The following ZNF613 variants were observed in gnomAD, a reference collection of about 807,000 sequenced individuals.
ZNF613 encodes zinc finger protein 613.
A neutral mutation model predicts 14.3 loss-of-function variants in ZNF613; 8 were observed. The observed-to-expected ratio is 0.56, with a 90% CI of 0.33 to 1.01. The LOEUF (loss-of-function observed/expected upper bound fraction) is 1.01, where lower values mean the gene tolerates loss of function less well. Ranked by LOEUF, ZNF613 falls within the 50% of genes least tolerant of loss-of-function variation. The probability of loss-of-function intolerance (pLI) is 0.03; values close to 1 mark genes in which losing one functional copy is unlikely to be tolerated. For synonymous variants in ZNF613, 228 were observed against 254.5 expected, an observed-to-expected ratio of 0.90 and a Z score of 0.99; for missense variants, 656 against 741.9, an observed-to-expected ratio of 0.88 and a Z score of 1.35.
intron 2 of ZNF613, among the ~76,000 whole-genome samples, chr19:51,934,286 A>G (rs975917537): frequency 1.3e-5 from 2 of 151,580 alleles, no homozygotes; most frequent in Admixed American, 1.3e-4. Context: ...TGCCATTTTT[A>G]CTCAATGAGA....
At chr19:51,928,853 C>CAAAAAAAA (rs58085445) in intron 1 of ZNF613, among the ~76,000 whole-genome samples, 1 of 96,968 alleles carries the variant, frequency 1.0e-5, no homozygotes, top group Admixed American at 1.2e-4. Context: ...GACCCTGCCT[C>CAAAAAAAA]AAAAAAAAAA....
At position 51,945,571 on chromosome 19, in the gene ZNF613, T is replaced by C. The variant is rs918718771; in HGVS notation, c.1688T>C (p.Ile563Thr). 3.7e-6 allele frequency: 6 copies of C among 1,614,174 alleles called. No individual in the cohort carries two copies. The highest frequency in any genetic ancestry group is 5.1e-6 in the Non-Finnish European group (6 of 1,180,028). The change falls in exon 6 of 6, where the codon ATA becomes ACA. Residue 563 changes from isoleucine (I) to threonine (T), a missense_variant. Ile to Thr is a moderately conservative substitution (Grantham distance 89). Transcript: ENST00000293471. ...SHSLSHTRDL[I>T]QDKDSVNMVT... The stretch of plus-strand genomic sequence containing the variant: ...AGCTTATCACATACACGTGATCTCA[T>C]ACAGGATAAAGACTCTGTTAACATG...
chr19:51,938,727 T>C (rs959504549), intron 3 of ZNF613, among the ~76,000 whole-genome samples: 1 of 129,128 alleles, frequency 7.7e-6, no homozygotes, highest in Non-Finnish European at 1.7e-5. Flanking sequence ...TGTACATGGA[T>C]ATATATATAT....
At chr19:51,938,057 C>T (rs2122816056) in intron 3 of ZNF613, among the ~76,000 whole-genome samples, 1 of 152,040 alleles carries the variant, frequency 6.6e-6, no homozygotes, top group South Asian at 2.1e-4. Flanking sequence ...TAAGCCCAGC[C>T]TTCTCATACA....
At chr19:51,935,848 C>G (rs2085301717) in intron 2 of ZNF613, among the ~76,000 whole-genome samples, 180 bp from the exon 3 acceptor site, 1 of 152,146 alleles carries the variant, frequency 6.6e-6, no homozygotes, top group South Asian at 2.1e-4. Flanking sequence ...ATTGGCCATA[C>G]CTGTAGAATC....
At chr19:51,932,302 C>T (rs1599902621) in intron 2 of ZNF613, among the ~76,000 whole-genome samples, 3 of 90,956 alleles carry the variant, frequency 3.3e-5, no homozygotes, top group African/African-American at 4.2e-5. Flanking sequence ...CTCCCAACAT[C>T]TTTTTTTTTT....
Position 51,945,079 on chromosome 19 carries a change from C to A in ZNF613, c.1196C>A (p.Pro399His). Residue 399 changes from proline to histidine, a missense_variant, in exon 6 of 6, where the codon CCC becomes CAC. Coordinates refer to ENST00000293471, the MANE Select transcript of ZNF613 (RefSeq NM_001031721.4). The part of the protein sequence containing the change: ...VHQRIHTGEK[P>H]YICNECGKGF... Reference sequence around the variant, plus strand: ...CAGCGAATTCATACTGGAGAAAAACCCTATATATGCAATGAATGTGGAAAA... The same window carrying A: ...CAGCGAATTCATACTGGAGAAAAACACTATATATGCAATGAATGTGGAAAA... 6.2e-7 allele frequency: 1 copy of A among 1,614,090 alleles called. No individual in the cohort carries two copies. Among genetic ancestry groups the A allele is most frequent in the Non-Finnish European group, 8.5e-7 (1 of 1,180,016 alleles).
chr19:51,941,952 G>A (rs967182402), intron 5 of ZNF613, among the ~76,000 whole-genome samples: 13 of 152,074 alleles, frequency 8.5e-5, no homozygotes, highest in Non-Finnish European at 1.9e-4. Context: ...CTATTATTTA[G>A]TTTCTCTTAA....
Position 51,928,294 on chromosome 19 carries a change from T to A in ZNF613, c.-359+754T>A, listed in dbSNP as rs148753276. 1.6e-3 allele frequency among the ~76,000 whole-genome samples: 239 copies of A among 152,256 alleles called. 1 individual carries two copies. Among genetic ancestry groups the A allele is most frequent in the Middle Eastern group, 3.4e-3 (1 of 294 alleles). Reference sequence around the variant, plus strand: ...GGTTCATGTGAACCTAGGTGTGTGGTCCAGGTTTTTGGATTAATCTAAGGG... The same window carrying A: ...GGTTCATGTGAACCTAGGTGTGTGGACCAGGTTTTTGGATTAATCTAAGGG... On this transcript the variant is annotated intron_variant, in intron 1 of 5. Transcript: ENST00000293471.
intron 5 of ZNF613, 76 bp downstream of exon 5, chr19:51,940,785 G>T: frequency 8.0e-7 from 1 of 1,253,032 alleles, no homozygotes; most frequent in Non-Finnish European, 1.1e-6. Flanking sequence ...TGTCTGAGCT[G>T]TCAGGGCATC....
At chr19:51,937,200 G>C (rs1308725606) in intron 3 of ZNF613, among the ~76,000 whole-genome samples, 1 of 152,152 alleles carries the variant, frequency 6.6e-6, no homozygotes, top group African/African-American at 2.4e-5. Context: ...GTAGATTATT[G>C]AACCTCAAGG....
In ZNF613 at chr19:51,944,436, G is replaced by A. The variant is rs1393710274; in HGVS notation, c.553G>A (p.Val185Met). 6.2e-7 allele frequency: 1 copy of A among 1,606,778 alleles called. No individual in the cohort carries two copies. Among genetic ancestry groups the A allele is most frequent in the Non-Finnish European group, 8.5e-7 (1 of 1,174,656 alleles). The change falls in exon 6 of 6, where the codon GTG (valine) becomes ATG (methionine). Residue 185 changes from valine to methionine, a missense_variant. Physicochemically the swap from Val to Met is conservative, Grantham distance 21 (BLOSUM62 1). Coordinates refer to ENST00000293471, the MANE Select transcript of ZNF613 (RefSeq NM_001031721.4). ...EMNFPEGGNS[V>M]NTNSQFIKHQ... Reference sequence around the variant, plus strand: ...GAACTTCCCCGAAGGTGGAAATTCTGTGAATACAAATTCACAATTCATTAA... The same window carrying A: ...GAACTTCCCCGAAGGTGGAAATTCTATGAATACAAATTCACAATTCATTAA...
intron 3 of ZNF613, among the ~76,000 whole-genome samples, chr19:51,936,592 G>C (rs568669185): frequency 1.1e-4 from 17 of 152,088 alleles, no homozygotes; most frequent in Non-Finnish European, 1.6e-4. Flanking sequence ...GGGCTCAAGC[G>C]ATCATCCCAT....
chr19:51,932,415 T>C (rs2085273455), intron 2 of ZNF613, among the ~76,000 whole-genome samples: 1 of 146,302 alleles, frequency 6.8e-6, no homozygotes, highest in African/African-American at 2.5e-5. Flanking sequence ...GTTCAAGCAA[T>C]TCTCCTGCCT....
Position 51,945,410 on chromosome 19 carries a change from G to A in ZNF613, c.1527G>A (p.Glu509=). Residue 509 remains glutamate, a synonymous_variant, in exon 6 of 6, where the codon GAG becomes GAA. Transcript: ENST00000293471. ...GACATCGGAGAACTCATACAGGGGA[G>A]AGACCGTATGGATGCTCTGATTGTG... ...LNRHRRTHTG[E]RPYGCSDCGK... 1 of 1,613,754 alleles carries A rather than the reference G, an allele frequency of 6.2e-7. No individual in the cohort carries two copies. Among genetic ancestry groups the A allele is most frequent in the East Asian group, 2.2e-5 (1 of 44,876 alleles).
intron 3 of ZNF613, among the ~76,000 whole-genome samples, chr19:51,939,080 A>G (rs970997295): frequency 6.6e-6 from 1 of 151,954 alleles, no homozygotes; most frequent in South Asian, 2.1e-4. Context: ...AAATTGGTAC[A>G]TGCTAGACCT....
Position 51,936,098 on chromosome 19 carries a change from C to A in ZNF613, c.-123C>A. The A allele has an allele frequency of 2.0e-6, 2 of 1,020,392 alleles. No individual in the cohort carries two copies. The highest frequency in any genetic ancestry group is 1.8e-5 in the South Asian group (1 of 55,642). The allele number at this position is 1,020,392 out of a possible 1,614,324, so 63.2% of individuals were successfully genotyped here. On this transcript the variant is annotated 5_prime_UTR_variant, in exon 3 of 6. Coordinates refer to ENST00000293471, the MANE Select transcript of ZNF613 (RefSeq NM_001031721.4). ...GGAGGAGGTTCCAGGACCTGGATACCATCCTTTGCAGGGATGTAATTCACC... is the reference window on the plus strand; with the variant it reads ...GGAGGAGGTTCCAGGACCTGGATACAATCCTTTGCAGGGATGTAATTCACC...
chr19:51,934,437 C>T (rs1373572995), intron 2 of ZNF613, among the ~76,000 whole-genome samples: 1 of 152,050 alleles, frequency 6.6e-6, no homozygotes, highest in African/African-American at 2.4e-5. Context: ...ATAACTATTC[C>T]CTTGAACTAA....
chr19:51,930,464 G>A (rs925966375), intron 2 of ZNF613, among the ~76,000 whole-genome samples: 5 of 152,004 alleles, frequency 3.3e-5, no homozygotes, highest in South Asian at 2.1e-4. Flanking sequence ...GTTTTGCCAC[G>A]TTGGCCAGGC....
Sources: gnomAD v4.1 joint callset for allele counts (sites outside exome capture counted in the v4.1 genomes callset) on GRCh38, gnomAD v4.1.1 for gene constraint, MANE v1.5 for transcripts, NCBI Gene and HGNC (gene_info 2026-07-23, HGNC 2026-07-21) for gene names.